Variants in KLF15 observed in about 807,000 individuals in gnomAD.
KLF15 encodes the protein KLF transcription factor 15, also known as Krueppel-like factor 15.
In KLF15, 4 loss-of-function variants were observed where a neutral mutation model predicts 24.6. The ratio of observed to expected loss-of-function variants is 0.16; its 90% CI spans 0.08 to 0.37. The LOEUF (loss-of-function observed/expected upper bound fraction) is 0.37. KLF15 is among the 10% of genes least tolerant of loss of function. The pLI, the probability that KLF15 is intolerant of heterozygous loss-of-function variation, is 1.00. For missense variants in KLF15, 496 were observed against 560.6 expected (o/e 0.88, Z 1.16); for synonymous variants, 246 against 236.3 (o/e 1.04, Z -0.37).
the KLF15 span, chr3:126,288,989 A>C: frequency 3.9e-5 from 6 of 152,214 alleles, no homozygotes; most frequent in African/African-American, 1.2e-4. Context: ...AAACCTCCAA[A>C]AAGACTTCAG....
the KLF15 span, among the ~76,000 whole-genome samples, chr3:126,321,972 CT>C: frequency 6.6e-6 from 1 of 152,322 alleles, no homozygotes; most frequent in African/African-American, 2.4e-5. Context: ...GCCCCTCCAC[CT>C]CCAGGTTCTG....
the KLF15 span, among the ~76,000 whole-genome samples, chr3:126,313,225 C>T: frequency 2.6e-5 from 4 of 152,152 alleles, no homozygotes; most frequent in Admixed American, 1.3e-4. Context: ...AGCGAAAAGG[C>T]GGCCAGCTGC....
chr3:126,321,248 A>G, the KLF15 span, among the ~76,000 whole-genome samples: 1 of 152,204 alleles, frequency 6.6e-6, no homozygotes, highest in Non-Finnish European at 1.5e-5. Context: ...GGCCAGGGCC[A>G]CAGAGGAAGA....
chr3:126,312,774 T>A, the KLF15 span, among the ~76,000 whole-genome samples: 1 of 152,208 alleles, frequency 6.6e-6, no homozygotes, highest in Non-Finnish European at 1.5e-5. Flanking sequence ...AGGCTGCAAG[T>A]CCTCGATCAA....
At chr3:126,301,529 C>G in the KLF15 span, among the ~76,000 whole-genome samples, 1 of 152,044 alleles carries the variant, frequency 6.6e-6, no homozygotes, top group African/African-American at 2.4e-5. Flanking sequence ...GCCACGCACA[C>G]TCTCTCACCC....
the KLF15 span, among the ~76,000 whole-genome samples, chr3:126,319,376 G>A: frequency 1.3e-5 from 2 of 152,336 alleles, no homozygotes; most frequent in South Asian, 2.1e-4. Flanking sequence ...TGTCTTCCAA[G>A]GTAGCTGTGC....
At chr3:126,309,938 C>A in the KLF15 span, among the ~76,000 whole-genome samples, 1 of 152,208 alleles carries the variant, frequency 6.6e-6, no homozygotes, top group Non-Finnish European at 1.5e-5. Flanking sequence ...GGGACTATAA[C>A]CCTGAGCCCG....
chr3:126,340,434 T>G (rs1383104209), downstream of KLF15, among the ~76,000 whole-genome samples: 1 of 152,246 alleles, frequency 6.6e-6, no homozygotes, highest in Non-Finnish European at 1.5e-5. Flanking sequence ...CGAAGGAGGC[T>G]GGGTGCCCTG....
chr3:126,293,766 C>T, the KLF15 span, among the ~76,000 whole-genome samples: 4 of 152,348 alleles, frequency 2.6e-5, no homozygotes, highest in Non-Finnish European at 4.4e-5. Flanking sequence ...CTGCCACTGC[C>T]TGTTTCTATT....
In KLF15 at chr3:126,356,846, C is replaced by A. The variant is rs2082636420; in HGVS notation, c.-26+391G>T. 6.6e-6 allele frequency among the ~76,000 whole-genome samples: 1 copy of A among 151,822 alleles called. No individual in the cohort carries two copies. The highest frequency in any genetic ancestry group is 2.4e-5 in the African/African-American group (1 of 41,356). The stretch of plus-strand genomic sequence containing the variant: ...CTGCGGTGACCGACAGTAACCCCTC[C>A]GTCTCCAGCCCCTCCGCCCCCCAAC... On this transcript the variant is annotated intron_variant, in intron 1 of 2. Transcript: ENST00000296233. This position sits in a 1 kb window ranked among gnomAD's most constrained non-coding sequence, Gnocchi z 4.4.
At chr3:126,327,815 G>A in the KLF15 span, among the ~76,000 whole-genome samples, 1 of 152,148 alleles carries the variant, frequency 6.6e-6, no homozygotes, top group Non-Finnish European at 1.5e-5. Flanking sequence ...ATTCTTCATT[G>A]GAAAATGTTT....
chr3:126,357,039 G>C (rs1355667707), intron 1 of KLF15, among the ~76,000 whole-genome samples, 198 bp downstream of exon 1: 1 of 151,450 alleles, frequency 6.6e-6, no homozygotes, highest in African/African-American at 2.4e-5. Flanking sequence ...GGGCGGGGGG[G>C]GTCACCTCCC....
At chr3:126,319,709 C>G in the KLF15 span, among the ~76,000 whole-genome samples, 1 of 152,128 alleles carries the variant, frequency 6.6e-6, no homozygotes, top group Non-Finnish European at 1.5e-5. Context: ...TTTAACACTA[C>G]GGGCATATCA....
At chr3:126,311,708 AG>A in the KLF15 span, among the ~76,000 whole-genome samples, 1 of 152,244 alleles carries the variant, frequency 6.6e-6, no homozygotes, top group Non-Finnish European at 1.5e-5. Context: ...GAGGTCAGCC[AG>A]GTTCAAGGGC....
chr3:126,354,550 A>G lies in KLF15; in HGVS notation c.-25-1603T>C, dbSNP rs563347875. ...GACCTTTAGCCCCAGTTCCCAACTTACCCAGGAAGCTTCACGGAGCTCCAG... is the reference window on the plus strand; with the variant it reads ...GACCTTTAGCCCCAGTTCCCAACTTGCCCAGGAAGCTTCACGGAGCTCCAG... On this transcript the variant is annotated intron_variant, in intron 1 of 2. Transcript: ENST00000296233. 2.6e-5 allele frequency among the ~76,000 whole-genome samples: 4 copies of G among 152,236 alleles called. No homozygotes were observed. The East Asian group carries it at 7.7e-4, about 29-fold the overall frequency.
At chr3:126,300,316 A>G in the KLF15 span, among the ~76,000 whole-genome samples, 1 of 152,040 alleles carries the variant, frequency 6.6e-6, no homozygotes, top group Non-Finnish European at 1.5e-5. Flanking sequence ...TGCCTATAAC[A>G]ACTGGACCCC....
rs2082490901 is a variant in KLF15 at position 126,342,986 on chromosome 3, G to GTGTCTGGA, written c.*733_*740dup. 2 of 152,372 alleles carry GTGTCTGGA rather than the reference G, an allele frequency of 1.3e-5. No individual in the cohort carries two copies. The highest frequency in any genetic ancestry group is 4.8e-5 in the African/African-American group (2 of 41,448). 9.4% of individuals were successfully genotyped at this position (152,372 alleles called of 1,614,324 possible). A position where few individuals can be genotyped will look rare whatever the true frequency, so the allele number is the denominator to read the frequency against. Reference sequence around the variant, plus strand: ...CCTCCCAAGGCCACCCTAAAGGCTGGTGTCTGGATTTGTCTGGGAAACCGG... The same window carrying GTGTCTGGA: ...CCTCCCAAGGCCACCCTAAAGGCTGGTGTCTGGATGTCTGGATTTGTCTGGGAAACCGG... On this transcript the variant is annotated 3_prime_UTR_variant, in exon 3 of 3. Coordinates refer to ENST00000296233, the MANE Select transcript of KLF15 (RefSeq NM_014079.4).
chr3:126,297,066 G>A, the KLF15 span, among the ~76,000 whole-genome samples: 198 of 152,200 alleles, frequency 1.3e-3, 3 homozygotes, highest in South Asian at 0.037. Flanking sequence ...GTGTCACTGC[G>A]CCTTAGTAAC....
chr3:126,337,962 G>A (rs1267475228), downstream of KLF15, among the ~76,000 whole-genome samples: 2 of 152,196 alleles, frequency 1.3e-5, no homozygotes, highest in Non-Finnish European at 2.9e-5. Context: ...CGGTGTTGGT[G>A]TACAGTTTAA....
Sources: allele counts gnomAD v4.1 joint callset (sites outside exome capture counted in the v4.1 genomes callset), GRCh38; gene constraint gnomAD v4.1.1; non-coding constraint Gnocchi (gnomAD v3.1); transcripts MANE v1.5; gene names NCBI Gene and HGNC (gene_info 2026-07-23, HGNC 2026-07-21).